POU2AF2: variants seen among roughly 807,000 people sequenced by gnomAD.
POU2AF2 encodes the protein POU class 2 homeobox associating factor 2, also known as POU domain class 2-associating factor 2.
chr11:111,268,413 G>A, the POU2AF2 span, among the ~76,000 whole-genome samples: 7 of 151,488 alleles, frequency 4.6e-5, no homozygotes, highest in Non-Finnish European at 1.0e-4. Context: ...TGTCTCCCTG[G>A]GCACAGCAAA....
the POU2AF2 span, among the ~76,000 whole-genome samples, chr11:111,274,630 C>T: frequency 1.0e-4 from 15 of 150,508 alleles, no homozygotes; most frequent in Non-Finnish European, 1.9e-4. Flanking sequence ...GGAAAGCACC[C>T]CACCCGATCC....
chr11:111,258,854 T>A, the POU2AF2 span, among the ~76,000 whole-genome samples: 1 of 152,214 alleles, frequency 6.6e-6, no homozygotes, highest in Non-Finnish European at 1.5e-5. Flanking sequence ...AAGCCTCACA[T>A]GTCACAGCCA....
chr11:111,268,804 T>C, the POU2AF2 span, among the ~76,000 whole-genome samples: 37 of 152,062 alleles, frequency 2.4e-4, no homozygotes, highest in African/African-American at 8.2e-4. Flanking sequence ...CGCCTCAGGT[T>C]CCCAAAGTGC....
At chr11:111,249,947 G>T in the POU2AF2 span, among the ~76,000 whole-genome samples, 1 of 152,134 alleles carries the variant, frequency 6.6e-6, no homozygotes, top group Non-Finnish European at 1.5e-5. Flanking sequence ...CTTCCTTGGA[G>T]AACTTTACTT....
At chr11:111,249,071 T>G in the POU2AF2 span, among the ~76,000 whole-genome samples, 1 of 152,226 alleles carries the variant, frequency 6.6e-6, no homozygotes, top group Non-Finnish European at 1.5e-5. Flanking sequence ...TTTTCCAAAT[T>G]CTACAGGATG....
chr11:111,280,921 T>G, the POU2AF2 span, among the ~76,000 whole-genome samples: 1 of 152,164 alleles, frequency 6.6e-6, no homozygotes, highest in Non-Finnish European at 1.5e-5. Flanking sequence ...GTGGCCACAA[T>G]GCATGATAAA....
chr11:111,283,972 C>A, the POU2AF2 span: 1 of 993,314 alleles, frequency 1.0e-6, no homozygotes, highest in Non-Finnish European at 1.5e-6. Context: ...TGGAGTCAGG[C>A]ACGCGTTAGT....
At chr11:111,269,337 G>C in the POU2AF2 span, among the ~76,000 whole-genome samples, 2 of 152,126 alleles carry the variant, frequency 1.3e-5, no homozygotes, top group Admixed American at 1.3e-4. Flanking sequence ...ATGGCCTATT[G>C]TCTGACTTTA....
the POU2AF2 span, among the ~76,000 whole-genome samples, chr11:111,276,448 AAAAAAATATAT>A: frequency 1.2e-3 from 66 of 52,814 alleles, 2 homozygotes; most frequent in South Asian, 7.8e-3. Flanking sequence ...AGAAAAAAAA[AAAAAAATATAT>A]ATATATATAT....
At chr11:111,247,021 T>C in the POU2AF2 span, among the ~76,000 whole-genome samples, 3 of 152,050 alleles carry the variant, frequency 2.0e-5, no homozygotes, top group African/African-American at 7.2e-5. Context: ...ATACTTGACC[T>C]TTTTTTTCCC....
At chr11:111,268,480 TTATTTTATTTTA>T in the POU2AF2 span, among the ~76,000 whole-genome samples, 13 of 23,968 alleles carry the variant, frequency 5.4e-4, 2 homozygotes, top group Middle Eastern at 0.024. Flanking sequence ...TTTTCTTTTT[TTATTTTATTTTA>T]TTTTATTTTA....
the POU2AF2 span, chr11:111,245,931 A>G: frequency 2.5e-6 from 1 of 398,060 alleles, no homozygotes; most frequent in Non-Finnish European, 4.4e-6. Flanking sequence ...GATAACACAA[A>G]GTCATAACAT....
At chr11:111,284,505 T>G in the POU2AF2 span, 1 of 1,154,074 alleles carries the variant, frequency 8.7e-7, no homozygotes, top group East Asian at 2.6e-5. Context: ...GAGGCTGCTT[T>G]GCAGCTGCCT....
chr11:111,250,173 TG>T, the POU2AF2 span, among the ~76,000 whole-genome samples: 1 of 152,036 alleles, frequency 6.6e-6, no homozygotes, highest in South Asian at 2.1e-4. Context: ...AGTGCTGTTT[TG>T]GGGGGGTTGG....
the POU2AF2 span, among the ~76,000 whole-genome samples, chr11:111,250,838 G>C: frequency 6.6e-6 from 1 of 152,194 alleles, no homozygotes; most frequent in East Asian, 1.9e-4. Flanking sequence ...AGCAGAGACA[G>C]CCAGCGCAAA....
the POU2AF2 span, chr11:111,286,302 A>C: frequency 4.4e-6 from 2 of 449,560 alleles, no homozygotes; most frequent in African/African-American, 4.1e-5. Flanking sequence ...TCTTTTTGGA[A>C]CTGTTGTAAC....
At chr11:111,268,442 A>G in the POU2AF2 span, among the ~76,000 whole-genome samples, 10 of 150,392 alleles carry the variant, frequency 6.6e-5, no homozygotes, top group Non-Finnish European at 8.9e-5. Flanking sequence ...AGGTGGCCCA[A>G]TGTGTGTTTT....
At chr11:111,260,399 T>A in the POU2AF2 span, among the ~76,000 whole-genome samples, 1 of 152,208 alleles carries the variant, frequency 6.6e-6, no homozygotes, top group African/African-American at 2.4e-5. Context: ...TTCTGCTTTA[T>A]ACGGCAGAAT....
chr11:111,256,953 T>C, the POU2AF2 span, among the ~76,000 whole-genome samples: 1 of 152,252 alleles, frequency 6.6e-6, no homozygotes, highest in African/African-American at 2.4e-5. Context: ...AATCTTTATC[T>C]GCCATCCATG....
Sources: gnomAD v4.1 joint callset for allele counts (sites outside exome capture counted in the v4.1 genomes callset) on GRCh38, gnomAD v4.1.1 for gene constraint, MANE v1.5 for transcripts, NCBI Gene and HGNC (gene_info 2026-07-23, HGNC 2026-07-21) for gene names.